Variants in CACNB4 observed in about 807,000 individuals in gnomAD.
CACNB4 encodes voltage-dependent L-type calcium channel subunit beta-4.
A neutral mutation model predicts 71.2 loss-of-function variants in CACNB4; 32 were observed. That is an observed-to-expected ratio of 0.45 (90% CI 0.34 to 0.60). The LOEUF is 0.60. Among genes scored for constraint, CACNB4 ranks in the 20% least tolerant of loss-of-function variants. The pLI, the probability that CACNB4 is intolerant of heterozygous loss-of-function variation, is 0.01. For synonymous variants in CACNB4, 231 were observed against 236.9 expected, an observed-to-expected ratio of 0.97 and a Z score of 0.23; for missense variants, 464 against 647.9, an observed-to-expected ratio of 0.72 and a Z score of 3.08.
intron 2 of CACNB4, among the ~76,000 whole-genome samples, chr2:152,055,933 T>A (rs756956047): frequency 2.0e-5 from 3 of 152,120 alleles, no homozygotes; most frequent in Non-Finnish European, 4.4e-5. Flanking sequence ...CGCCTGTTAC[T>A]ATCATCACCT....
chr2:151,954,850 C>CTTTTTTTTTTTT (rs34054917), intron 2 of CACNB4, among the ~76,000 whole-genome samples: 2 of 94,924 alleles, frequency 2.1e-5, no homozygotes, highest in African/African-American at 4.2e-5. Context: ...CAAGTCAGCA[C>CTTTTTTTTTTTT]TTTTTTTTTT....
At chr2:151,909,462 AC>A (rs66837617) in intron 2 of CACNB4, among the ~76,000 whole-genome samples, 61,728 of 136,606 alleles carry the variant, frequency 0.45, 16,793 homozygotes, top group Non-Finnish European at 0.63. Flanking sequence ...AAAAAAAAAA[AC>A]AAAAAATGGG....
chr2:151,982,472 A>T (rs190090126), intron 2 of CACNB4, among the ~76,000 whole-genome samples: 1,725 of 152,168 alleles, frequency 0.011, 16 homozygotes, highest in South Asian at 0.025. Context: ...TCTCTACTAA[A>T]AATACAAAAA....
chr2:151,933,677 T>C (rs1042964579), intron 2 of CACNB4, among the ~76,000 whole-genome samples: 6 of 152,196 alleles, frequency 3.9e-5, no homozygotes, highest in Non-Finnish European at 7.3e-5. Flanking sequence ...GGTGGTGCCA[T>C]GGTCAGTAAA....
At chr2:151,942,336 A>G (rs1051857070) in intron 2 of CACNB4, among the ~76,000 whole-genome samples, 1 of 149,242 alleles carries the variant, frequency 6.7e-6, no homozygotes, top group Non-Finnish European at 1.5e-5. Flanking sequence ...TAATACTTTT[A>G]TAATTTCTTA....
chr2:151,892,459 T>C (rs1487163910), intron 2 of CACNB4, among the ~76,000 whole-genome samples: 1 of 152,158 alleles, frequency 6.6e-6, no homozygotes, highest in East Asian at 1.9e-4. Context: ...GGAAAAGGAC[T>C]TGAGCCTCGC....
intron 2 of CACNB4, among the ~76,000 whole-genome samples, chr2:151,937,795 T>C (rs1019821916): frequency 1.3e-5 from 2 of 152,236 alleles, no homozygotes; most frequent in African/African-American, 4.8e-5. Flanking sequence ...GTCCGACTTC[T>C]AATTGGCACA....
chr2:151,848,749 T>C (rs1176571318), intron 12 of CACNB4, among the ~76,000 whole-genome samples: 1 of 152,212 alleles, frequency 6.6e-6, no homozygotes, highest in Non-Finnish European at 1.5e-5. Context: ...GGGTCAGCTT[T>C]GGGTAACACA....
chr2:152,098,564 G>GCCGC lies in CACNB4; in HGVS notation c.64-152_64-151insGCGG. On this transcript the variant is annotated intron_variant, in intron 1 of 13. Transcript: ENST00000539935. This position sits in a 1 kb window ranked among gnomAD's most constrained non-coding sequence, Gnocchi z 5.3. ...GTCTCCTCCGCGACTCCCAAATACA[G>GCCGC]CCCCCACCCCCACCCACCCACTGCA... 8 of 931,264 alleles carry GCCGC rather than the reference G, an allele frequency of 8.6e-6. No individual in the cohort carries two copies. Among genetic ancestry groups the GCCGC allele is most frequent in the Non-Finnish European group, 1.2e-5 (7 of 583,190 alleles). 57.7% of individuals were successfully genotyped at this position (931,264 alleles called of 1,614,324 possible).
intron 2 of CACNB4, among the ~76,000 whole-genome samples, chr2:152,055,882 A>G (rs1685696054): frequency 6.6e-6 from 1 of 152,170 alleles, no homozygotes; most frequent in Non-Finnish European, 1.5e-5. Context: ...AGGCACAGCA[A>G]GTGAGTGGCG....
At chr2:151,992,156 C>A (rs1681744986) in intron 2 of CACNB4, among the ~76,000 whole-genome samples, 1 of 152,134 alleles carries the variant, frequency 6.6e-6, no homozygotes, top group East Asian at 1.9e-4. Flanking sequence ...CAAGGGAGAA[C>A]CGTGAGGCAG....
At chr2:151,910,709 T>A (rs548417230) in intron 2 of CACNB4, among the ~76,000 whole-genome samples, 41 of 152,332 alleles carry the variant, frequency 2.7e-4, no homozygotes, top group African/African-American at 9.6e-4. Context: ...AGCCTTGTAG[T>A]ATAGTTTGAA....
rs1044639112 is a variant in CACNB4, at chr2:152,098,747, A to AG, written c.63+201dup. 12 of 1,384,626 alleles carry AG rather than the reference A, an allele frequency of 8.7e-6. No homozygotes were observed. The African/African-American group carries it at 1.6e-4, about 19-fold the overall frequency. The allele number at this position is 1,384,626 out of a possible 1,614,324, so 85.8% of individuals were successfully genotyped here. Reference sequence around the variant, plus strand: ...GAGCGCAGAGACCCGAAGGAGGGTGAGGAGGAGGAGGAAGAGAAGGAGGAG... The same window carrying AG: ...GAGCGCAGAGACCCGAAGGAGGGTGAGGGAGGAGGAGGAAGAGAAGGAGGAG... On this transcript the variant is annotated intron_variant, in intron 1 of 13. Coordinates refer to ENST00000539935, the MANE Select transcript of CACNB4 (RefSeq NM_000726.5). This position sits in a 1 kb window ranked among gnomAD's most constrained non-coding sequence, Gnocchi z 5.3.
At position 151,835,805 on chromosome 2, in the gene CACNB4, C is replaced by T. The variant is rs78798453; in HGVS notation, c.*3314G>A. 1 of 151,892 alleles carries T rather than the reference C, an allele frequency of 6.6e-6. No individual in the cohort carries two copies. Among genetic ancestry groups the T allele is most frequent in the African/African-American group, 2.4e-5 (1 of 41,546 alleles). 9.4% of individuals were successfully genotyped at this position (151,892 alleles called of 1,614,324 possible). ...AAAAGAGGTTAACATTCCAAAAATACATTTTGCAAACAACGACAATAATAA... is the reference window on the plus strand; with the variant it reads ...AAAAGAGGTTAACATTCCAAAAATATATTTTGCAAACAACGACAATAATAA... On this transcript the variant is annotated 3_prime_UTR_variant, in exon 14 of 14. Coordinates refer to ENST00000539935, the MANE Select transcript of CACNB4 (RefSeq NM_000726.5).
intron 12 of CACNB4, among the ~76,000 whole-genome samples, chr2:151,848,820 G>A (rs2099838283): frequency 6.6e-6 from 1 of 152,188 alleles, no homozygotes; most frequent in Non-Finnish European, 1.5e-5. Context: ...TCAATTGTCT[G>A]TCTCTCAGCT....
chr2:151,945,672 A>T (rs2099865373), intron 2 of CACNB4, among the ~76,000 whole-genome samples: 1 of 152,138 alleles, frequency 6.6e-6, no homozygotes, highest in Non-Finnish European at 1.5e-5. Flanking sequence ...TTTAAATTTA[A>T]ATTTAAAATG....
chr2:151,952,249 T>C (rs1278644674), intron 2 of CACNB4, among the ~76,000 whole-genome samples: 1 of 152,008 alleles, frequency 6.6e-6, no homozygotes, highest in African/African-American at 2.4e-5. Flanking sequence ...ATAAATAACA[T>C]ACAAAGCAGC....
intron 2 of CACNB4, among the ~76,000 whole-genome samples, chr2:151,924,321 G>A (rs1003642712): frequency 2.6e-5 from 4 of 151,394 alleles, no homozygotes; most frequent in Non-Finnish European, 5.9e-5. Context: ...CTCGTGATCT[G>A]CCCGCCTCGC....
intron 2 of CACNB4, among the ~76,000 whole-genome samples, chr2:152,069,924 G>T (rs1579239619): frequency 6.9e-6 from 1 of 144,596 alleles, no homozygotes; most frequent in South Asian, 2.2e-4. Context: ...CTCACTGCAA[G>T]CTCTGCCTCC....
Sources: allele counts gnomAD v4.1 joint callset (sites outside exome capture counted in the v4.1 genomes callset), GRCh38; gene constraint gnomAD v4.1.1; non-coding constraint Gnocchi (gnomAD v3.1); transcripts MANE v1.5; gene names NCBI Gene and HGNC (gene_info 2026-07-23, HGNC 2026-07-21).